The following CCDC171 variants were observed in gnomAD, a reference collection of about 807,000 sequenced individuals.
The protein encoded by CCDC171 is coiled-coil domain-containing protein 171.
A neutral mutation model predicts 168.2 loss-of-function variants in CCDC171; 177 were observed. The ratio of observed to expected loss-of-function variants is 1.05; its 90% CI spans 0.93 to 1.19. The LOEUF is 1.19. Ranked by LOEUF, CCDC171 falls within the 50% of genes most tolerant of loss-of-function variation. The pLI is 0.00. For synonymous variants in CCDC171, 687 were observed against 540.8 expected (o/e 1.27, Z -3.75); for missense variants, 1,991 against 1,539.0 (o/e 1.29, Z -4.91).
intron 21 of CCDC171, among the ~76,000 whole-genome samples, chr9:15,846,291 C>T (rs935490945): frequency 1.3e-5 from 2 of 152,042 alleles, no homozygotes; most frequent in African/African-American, 4.8e-5. Flanking sequence ...CAATCACATG[C>T]ATAGTTTGGG....
At chr9:15,568,669 C>A (rs2039953298) in intron 2 of CCDC171, among the ~76,000 whole-genome samples, 1 of 152,108 alleles carries the variant, frequency 6.6e-6, no homozygotes, top group Non-Finnish European at 1.5e-5. Context: ...TGATACTGAG[C>A]TTTGTTTCAT....
intron 3 of CCDC171, among the ~76,000 whole-genome samples, chr9:15,981,468 G>A (rs1831793493): frequency 6.6e-6 from 1 of 152,168 alleles, no homozygotes; most frequent in Non-Finnish European, 1.5e-5. Context: ...GTGGTATTTT[G>A]TTATAGTCTG....
chr9:15,811,770 G>A (rs1001210639), intron 21 of CCDC171, among the ~76,000 whole-genome samples: 2 of 152,114 alleles, frequency 1.3e-5, no homozygotes, highest in Non-Finnish European at 2.9e-5. Flanking sequence ...TAGTTACTTC[G>A]ATGATGGAGT....
chr9:15,746,952 A>G (rs2055337002), intron 18 of CCDC171, among the ~76,000 whole-genome samples: 1 of 152,202 alleles, frequency 6.6e-6, no homozygotes, highest in Non-Finnish European at 1.5e-5. Flanking sequence ...TATTCTCTCC[A>G]GTGACTGGCT....
At chr9:15,745,665 C>T (rs753584459) in intron 18 of CCDC171, 34 bp downstream of exon 18, 6 of 1,218,466 alleles carry the variant, frequency 4.9e-6, no homozygotes, top group Non-Finnish European at 6.9e-6. Flanking sequence ...TTGCAAAATA[C>T]ATTTAAGAAC....
intron 10 of CCDC171, 148 bp from the exon 11 acceptor site, chr9:15,695,087 G>T (rs1224377665): frequency 1.7e-6 from 1 of 605,436 alleles, no homozygotes; most frequent in African/African-American, 1.9e-5. Context: ...CAAGTAAAAG[G>T]TATGATTAAG....
intron 21 of CCDC171, among the ~76,000 whole-genome samples, chr9:15,826,590 A>G (rs147791250): frequency 6.6e-6 from 1 of 152,296 alleles, no homozygotes; most frequent in East Asian, 1.9e-4. Flanking sequence ...TTCTCTGGGA[A>G]AGCCTGGGTC....
chr9:15,667,329 C>G lies in CCDC171; in HGVS notation c.1076+1006C>G, dbSNP rs560722254. Reference sequence around the variant, plus strand: ...GTAGATAATGGTTTTCCATTTATAGCCACAATATAAAGATCCCTTTTAAAA... The same window carrying G: ...GTAGATAATGGTTTTCCATTTATAGGCACAATATAAAGATCCCTTTTAAAA... On this transcript the variant is annotated intron_variant, in intron 9 of 25. Coordinates refer to ENST00000380701, the MANE Select transcript of CCDC171 (RefSeq NM_173550.4). Among the ~76,000 whole-genome samples the G allele has an allele frequency of 1.2e-4, 18 of 152,160 alleles. No homozygotes were observed. In the South Asian group the frequency reaches 3.5e-3, roughly 30 times the overall value.
intron 4 of CCDC171, among the ~76,000 whole-genome samples, chr9:15,580,566 A>G (rs1232921366): frequency 6.6e-6 from 1 of 152,158 alleles, no homozygotes; most frequent in African/African-American, 2.4e-5. Context: ...AAAACTGGGC[A>G]AAGGACATAT....
At chr9:16,047,559 T>C (rs1009997879) in intron 1 of CCDC171, among the ~76,000 whole-genome samples, 3 of 152,234 alleles carry the variant, frequency 2.0e-5, no homozygotes, top group Admixed American at 6.5e-5. Flanking sequence ...TTCTTAAAGA[T>C]ATATGACCAT....
chr9:15,849,958 A>G (rs1259301642), intron 23 of CCDC171, among the ~76,000 whole-genome samples: 1 of 151,802 alleles, frequency 6.6e-6, no homozygotes, highest in Admixed American at 6.6e-5. Flanking sequence ...TGAAAAAAAA[A>G]TAATCTGAGT....
intron 21 of CCDC171, among the ~76,000 whole-genome samples, chr9:15,842,597 A>T (rs2060726814): frequency 6.6e-6 from 1 of 151,892 alleles, no homozygotes; most frequent in African/African-American, 2.4e-5. Context: ...TTTTCTAAAG[A>T]ATTTTACTTC....
chr9:15,850,590 G>A (rs911383264), intron 23 of CCDC171, among the ~76,000 whole-genome samples: 1 of 151,932 alleles, frequency 6.6e-6, no homozygotes, highest in South Asian at 2.1e-4. Flanking sequence ...TGGCTTTAAA[G>A]TTATGAATTA....
At chr9:15,883,650 G>T (rs770207) in intron 24 of CCDC171, among the ~76,000 whole-genome samples, 17 of 152,108 alleles carry the variant, frequency 1.1e-4, no homozygotes, top group Admixed American at 8.5e-4. Flanking sequence ...AATTGCATCC[G>T]TGTAAAGCTT....
chr9:15,888,354 A>G (rs532634453), intron 24 of CCDC171, among the ~76,000 whole-genome samples: 1 of 152,324 alleles, frequency 6.6e-6, no homozygotes. Context: ...AATGTTCAAC[A>G]ACTTTAGTGT....
At chr9:15,621,620 C>A (rs745449580) in intron 6 of CCDC171, among the ~76,000 whole-genome samples, 6 of 152,020 alleles carry the variant, frequency 3.9e-5, no homozygotes, top group Non-Finnish European at 7.4e-5. Context: ...ATTAAAAAGT[C>A]AAAAAATAAC....
chr9:16,049,960 C>T (rs569307994), intron 1 of CCDC171, among the ~76,000 whole-genome samples: 1 of 152,308 alleles, frequency 6.6e-6, no homozygotes, highest in South Asian at 2.1e-4. Context: ...AATCTCAGCT[C>T]ACTGCAACCT....
At chr9:15,884,282 C>CATA (rs3083526) in intron 24 of CCDC171, among the ~76,000 whole-genome samples, 114,742 of 151,716 alleles carry the variant, frequency 0.76, 45,136 homozygotes, top group Non-Finnish European at 0.86. Flanking sequence ...GATCCTATAA[C>CATA]ATGTATGAAA....
chr9:15,990,881 C>G (rs572564641), intron 3 of CCDC171, among the ~76,000 whole-genome samples: 59 of 152,226 alleles, frequency 3.9e-4, no homozygotes, highest in African/African-American at 1.3e-3. Context: ...GCTAGGTATC[C>G]TAAATATATA....
Sources: allele counts gnomAD v4.1 joint callset (sites outside exome capture counted in the v4.1 genomes callset), GRCh38; gene constraint gnomAD v4.1.1; transcripts MANE v1.5; gene names NCBI Gene and HGNC (gene_info 2026-07-23, HGNC 2026-07-21).